DPP10: variants seen among roughly 807,000 people sequenced by gnomAD.
DPP10 encodes inactive dipeptidyl peptidase 10.
A neutral mutation model predicts 120.9 loss-of-function variants in DPP10; 33 were observed. The observed-to-expected ratio is 0.27, with a 90% CI of 0.21 to 0.37. DPP10 has a LOEUF of 0.37. Ranked by LOEUF, DPP10 falls within the 10% of genes least tolerant of loss-of-function variation. DPP10 has a pLI of 1.00. For missense variants in DPP10, 816 were observed against 942.8 expected, an observed-to-expected ratio of 0.87 and a Z score of 1.76; for synonymous variants, 337 against 326.1, an observed-to-expected ratio of 1.03 and a Z score of -0.36.
intron 4 of DPP10, among the ~76,000 whole-genome samples, 193 bp from the exon 5 acceptor site, chr2:115,525,705 T>A (rs1011784320): frequency 2.0e-5 from 3 of 152,080 alleles, no homozygotes; most frequent in African/African-American, 7.2e-5. Flanking sequence ...CTGAAATGTC[T>A]AATATGTCCT....
At chr2:114,906,360 G>C (rs1205308375) in intron 1 of DPP10, among the ~76,000 whole-genome samples, 1 of 151,268 alleles carries the variant, frequency 6.6e-6, no homozygotes, top group Non-Finnish European at 1.5e-5. Flanking sequence ...CTCCAGCCTG[G>C]GCGACAGAGT....
chr2:115,707,421 T>TACACACACAC (rs35961586), intron 7 of DPP10, among the ~76,000 whole-genome samples: 70 of 138,802 alleles, frequency 5.0e-4, no homozygotes, highest in South Asian at 1.4e-3. Flanking sequence ...AAACAAATTT[T>TACACACACAC]ACACACACAC....
chr2:114,525,646 T>G (rs761455825), intron 1 of DPP10, among the ~76,000 whole-genome samples: 5 of 152,194 alleles, frequency 3.3e-5, no homozygotes, highest in Non-Finnish European at 7.4e-5. Flanking sequence ...CCAGTTTTGA[T>G]TTTATCACTT....
At chr2:114,945,310 C>A (rs1368487614) in intron 1 of DPP10, among the ~76,000 whole-genome samples, 2 of 152,110 alleles carry the variant, frequency 1.3e-5, no homozygotes, top group Admixed American at 1.3e-4. Context: ...AAGCTACAGA[C>A]TGGAAGAAAA....
rs75687194 is a variant in DPP10 at position 114,900,030 on chromosome 2, C to T, written c.61-409209C>T. ...AGCTGTAGTTTGTGCATTTTCAATG[C>T]TGTATAACAATTGTTTGAAGATGCC... On this transcript the variant is annotated intron_variant, in intron 1 of 25. Transcript: ENST00000410059. Among the ~76,000 whole-genome samples the T allele has an allele frequency of 4.3e-3, 652 of 152,262 alleles. 5 individuals are homozygous for T. Among genetic ancestry groups the T allele is most frequent in the African/African-American group, 0.015 (624 of 41,564 alleles).
intron 1 of DPP10, among the ~76,000 whole-genome samples, chr2:114,662,316 G>A (rs941989572): frequency 6.6e-6 from 1 of 152,202 alleles, no homozygotes; most frequent in Non-Finnish European, 1.5e-5. Context: ...TCCTCGGCAC[G>A]CGGGCCTCCC....
intron 1 of DPP10, among the ~76,000 whole-genome samples, chr2:114,896,006 C>CT (rs946965839): frequency 3.9e-5 from 6 of 152,082 alleles, no homozygotes; most frequent in South Asian, 4.2e-4. Context: ...TTCCCCATTG[C>CT]TTTTTTTTCT....
chr2:115,799,109 AC>A (rs1247037241), intron 19 of DPP10, among the ~76,000 whole-genome samples: 2 of 152,044 alleles, frequency 1.3e-5, no homozygotes, highest in Non-Finnish European at 2.9e-5. Flanking sequence ...TATTGCTAAG[AC>A]TTTTTCCTTA....
At chr2:115,447,572 G>A (rs1291423164) in intron 3 of DPP10, among the ~76,000 whole-genome samples, 1 of 152,046 alleles carries the variant, frequency 6.6e-6, no homozygotes, top group Non-Finnish European at 1.5e-5. Context: ...TGGATCATGG[G>A]TACGGTTCCT....
At chr2:114,645,364 T>G (rs1004836797) in intron 1 of DPP10, among the ~76,000 whole-genome samples, 2 of 152,206 alleles carry the variant, frequency 1.3e-5, no homozygotes, top group Non-Finnish European at 2.9e-5. Flanking sequence ...CCTGAAGAAC[T>G]GAGGTGGTAG....
intron 1 of DPP10, among the ~76,000 whole-genome samples, chr2:114,664,290 G>T (rs1697722672): frequency 6.6e-6 from 1 of 151,704 alleles, no homozygotes; most frequent in Non-Finnish European, 1.5e-5. Context: ...GCAAGCAGAA[G>T]AGTCATAACC....
intron 1 of DPP10, among the ~76,000 whole-genome samples, chr2:115,211,278 C>G (rs1412733988): frequency 6.7e-6 from 1 of 148,156 alleles, no homozygotes; most frequent in African/African-American, 2.5e-5. Flanking sequence ...CTTTGTGTGG[C>G]CCAGATGATA....
chr2:114,807,901 A>G (rs541922883), intron 1 of DPP10, among the ~76,000 whole-genome samples: 12 of 152,300 alleles, frequency 7.9e-5, no homozygotes, highest in Admixed American at 5.9e-4. Flanking sequence ...AGTCTTCCTC[A>G]TTTACATGTC....
At chr2:114,680,576 A>G (rs1440785935) in intron 1 of DPP10, among the ~76,000 whole-genome samples, 1 of 152,038 alleles carries the variant, frequency 6.6e-6, no homozygotes, top group African/African-American at 2.4e-5. Context: ...CAATTGAATA[A>G]AAACGTGTTA....
intron 1 of DPP10, among the ~76,000 whole-genome samples, chr2:114,869,314 T>C (rs1160034356): frequency 6.6e-6 from 1 of 152,166 alleles, no homozygotes; most frequent in African/African-American, 2.4e-5. Flanking sequence ...AGCAGGTTTA[T>C]TGCGCACTGT....
intron 1 of DPP10, among the ~76,000 whole-genome samples, chr2:114,885,805 A>G: frequency 6.6e-6 from 1 of 152,220 alleles, no homozygotes; most frequent in Non-Finnish European, 1.5e-5. Context: ...GGAATATAGA[A>G]TTGACTTCCT....
chr2:114,864,221 T>C (rs1426839804), intron 1 of DPP10, among the ~76,000 whole-genome samples: 1 of 152,160 alleles, frequency 6.6e-6, no homozygotes, highest in Non-Finnish European at 1.5e-5. Flanking sequence ...TCTCACTCTT[T>C]GGTGGTGTAG....
chr2:114,512,222 A>T (rs1355509868), intron 1 of DPP10, among the ~76,000 whole-genome samples: 1 of 152,218 alleles, frequency 6.6e-6, no homozygotes, highest in Non-Finnish European at 1.5e-5. Flanking sequence ...GATGTTAGTT[A>T]TATAACCAGG....
chr2:115,658,875 A>C (rs1035711210), intron 5 of DPP10, among the ~76,000 whole-genome samples: 2 of 152,092 alleles, frequency 1.3e-5, no homozygotes, highest in African/African-American at 4.8e-5. Flanking sequence ...CCCATTTTAT[A>C]ATAAACTATA....
Sources: allele counts gnomAD v4.1 joint callset (sites outside exome capture counted in the v4.1 genomes callset), GRCh38; gene constraint gnomAD v4.1.1; transcripts MANE v1.5; gene names NCBI Gene and HGNC (gene_info 2026-07-23, HGNC 2026-07-21).